ROCK2: variants seen among roughly 807,000 people sequenced by gnomAD.
ROCK2 encodes Rho associated coiled-coil containing protein kinase 2, also known as rho-associated protein kinase 2.
ROCK2 carries 61 observed loss-of-function variants against 195.1 expected under a neutral mutation model. The observed-to-expected ratio is 0.31, with a 90% CI of 0.25 to 0.39. The LOEUF is 0.39. Ranked by LOEUF, ROCK2 falls within the 10% of genes least tolerant of loss-of-function variation. ROCK2 has a pLI of 1.00. For missense variants in ROCK2, 1,109 were observed against 1,637.4 expected, an observed-to-expected ratio of 0.68 and a Z score of 5.57; for synonymous variants, 504 against 545.5, an observed-to-expected ratio of 0.92 and a Z score of 1.06.
In ROCK2 at chr2:11,208,336, T is replaced by C; in HGVS notation, c.2315A>G (p.Gln772Arg). The change falls in exon 19 of 33, where the codon CAG becomes CGG. Residue 772 changes from glutamine (Q) to arginine (R), a missense_variant. Gln to Arg is a conservative substitution (Grantham distance 43). Around this residue, in one of 6 missense-constraint regions of ROCK2, gnomAD observed 542 missense variants for 672.0 expected, o/e 0.81. Transcript: ENST00000315872. ...SLLDCDLKQSQQKINELLKQK... is the reference protein window; with the variant it reads ...SLLDCDLKQSRQKINELLKQK... ...TTTAAGGAGCTCATTTATTTTCTGCTGTGACTGTTTGAGGTCACAGTCTAA... is the reference window on the plus strand; with the variant it reads ...TTTAAGGAGCTCATTTATTTTCTGCCGTGACTGTTTGAGGTCACAGTCTAA... 5 of 1,512,402 alleles carry C rather than the reference T, an allele frequency of 3.3e-6. No individual in the cohort carries two copies. Among genetic ancestry groups the C allele is most frequent in the Non-Finnish European group, 4.5e-6 (5 of 1,118,584 alleles). 93.7% of individuals were successfully genotyped at this position (1,512,402 alleles called of 1,614,324 possible).
intron 3 of ROCK2, among the ~76,000 whole-genome samples, chr2:11,283,549 C>CA (rs1408613383): frequency 1.8e-5 from 2 of 108,220 alleles, no homozygotes; most frequent in Middle Eastern, 9.4e-3. Context: ...GCCTGGGCGA[C>CA]AGAGCGAGAC....
At chr2:11,293,875 C>A (rs1418252723) in intron 1 of ROCK2, among the ~76,000 whole-genome samples, 1 of 152,030 alleles carries the variant, frequency 6.6e-6, no homozygotes, top group Non-Finnish European at 1.5e-5. Flanking sequence ...AAAGAACGTA[C>A]GGGCCAGGCG....
chr2:11,229,892 T>TA (rs1242635495), intron 5 of ROCK2, among the ~76,000 whole-genome samples: 2 of 152,086 alleles, frequency 1.3e-5, no homozygotes, highest in Non-Finnish European at 1.5e-5. Context: ...TTGCAGATAA[T>TA]AAGAGCCAAG....
chr2:11,257,241 C>T (rs182951083), intron 3 of ROCK2, among the ~76,000 whole-genome samples: 18 of 149,208 alleles, frequency 1.2e-4, no homozygotes, highest in Admixed American at 8.0e-4. Flanking sequence ...AAAGGCCGAA[C>T]GCCTCAGAGA....
intron 32 of ROCK2, among the ~76,000 whole-genome samples, chr2:11,185,729 C>A (rs1663170938): frequency 6.6e-6 from 1 of 150,930 alleles, no homozygotes; most frequent in Non-Finnish European, 1.5e-5. Context: ...GACTTCGTCT[C>A]AAAAAATTAA....
chr2:11,227,448 C>T (rs745351911), intron 5 of ROCK2, 50 bp from the exon 6 acceptor site: 6 of 1,538,216 alleles, frequency 3.9e-6, no homozygotes, highest in African/African-American at 1.4e-5. Context: ...TAAAAACACA[C>T]ACTTATAAAT....
chr2:11,238,479 A>C (rs1300258088), intron 4 of ROCK2, among the ~76,000 whole-genome samples: 1 of 152,108 alleles, frequency 6.6e-6, no homozygotes, highest in Non-Finnish European at 1.5e-5. Flanking sequence ...GAAGAGCCAA[A>C]ACAATCTGGA....
At chr2:11,325,095 A>C (rs955191969) in intron 1 of ROCK2, among the ~76,000 whole-genome samples, 6 of 152,244 alleles carry the variant, frequency 3.9e-5, no homozygotes, top group Non-Finnish European at 8.8e-5. Flanking sequence ...CAGTTTCTGA[A>C]AGACATTATT....
chr2:11,308,347 A>G lies in ROCK2; in HGVS notation c.142-20611T>C, dbSNP rs1432527963. 5.8e-6 allele frequency: 7 copies of G among 1,209,328 alleles called. No individual in the cohort carries two copies. The African/African-American group carries it at 9.0e-5, about 15-fold the overall frequency. 74.9% of individuals were successfully genotyped at this position (1,209,328 alleles called of 1,614,324 possible). A position where few individuals can be genotyped will look rare whatever the true frequency, so the allele number is the denominator to read the frequency against. On this transcript the variant is annotated intron_variant, in intron 1 of 32. Coordinates refer to ENST00000315872, the MANE Select transcript of ROCK2 (RefSeq NM_004850.5). Reference sequence around the variant, plus strand: ...TTCTTACATATAATAAAGAATTCCCATTTGATGTTTAGCCTGTCCCATTAA... The same window carrying G: ...TTCTTACATATAATAAAGAATTCCCGTTTGATGTTTAGCCTGTCCCATTAA...
At chr2:11,211,113 T>G (rs1664230801) in intron 18 of ROCK2, among the ~76,000 whole-genome samples, 1 of 152,228 alleles carries the variant, frequency 6.6e-6, no homozygotes, top group Non-Finnish European at 1.5e-5. Flanking sequence ...GGATAAAGTC[T>G]AGTTTATGGG....
In ROCK2 at chr2:11,194,630, A is replaced by C. The variant is rs183363358; in HGVS notation, c.3520-286T>G. ...TAGTAACCTTCTCAAAAATAAACAT[A>C]ATAACATCAATAATCATAGTAACAG... On this transcript the variant is annotated intron_variant, in intron 28 of 32. Coordinates refer to ENST00000315872, the MANE Select transcript of ROCK2 (RefSeq NM_004850.5). 1.7e-3 allele frequency among the ~76,000 whole-genome samples: 258 copies of C among 152,164 alleles called. 4 individuals are homozygous for C. Among genetic ancestry groups the C allele is most frequent in the Non-Finnish European group, 3.8e-4 (26 of 67,928 alleles).
intron 1 of ROCK2, among the ~76,000 whole-genome samples, chr2:11,318,708 T>C (rs1668306303): frequency 6.6e-6 from 1 of 152,210 alleles, no homozygotes; most frequent in South Asian, 2.1e-4. Flanking sequence ...TTGCCTAGGT[T>C]TTCTTCTAGG....
chr2:11,194,787 AT>A (rs1663565956), intron 28 of ROCK2, among the ~76,000 whole-genome samples, 167 bp downstream of exon 28: 1 of 151,718 alleles, frequency 6.6e-6, no homozygotes, highest in African/African-American at 2.4e-5. Context: ...GAGGACAAAA[AT>A]TTTTTACAAA....
intron 4 of ROCK2, among the ~76,000 whole-genome samples, chr2:11,249,062 A>G (rs1001579766): frequency 1.3e-5 from 2 of 151,468 alleles, no homozygotes; most frequent in Admixed American, 6.6e-5. Flanking sequence ...TGCCCGGCTA[A>G]TTTTTTTGTA....
At chr2:11,278,716 G>A (rs568108915) in intron 3 of ROCK2, among the ~76,000 whole-genome samples, 14 of 152,222 alleles carry the variant, frequency 9.2e-5, no homozygotes, top group African/African-American at 2.9e-4. Context: ...GGGTTCAAGC[G>A]ATTCTCCCAC....
intron 3 of ROCK2, among the ~76,000 whole-genome samples, chr2:11,259,361 T>C (rs1449975776): frequency 6.6e-6 from 1 of 151,314 alleles, no homozygotes. Flanking sequence ...ATACTGTAAA[T>C]GGAACTGCAA....
rs372596800 is a variant in ROCK2, at chr2:11,222,034, T to A, written c.1099+49A>T. 18 of 1,093,576 alleles carry A rather than the reference T, an allele frequency of 1.6e-5. No individual in the cohort carries two copies. In the Admixed American group the frequency reaches 2.7e-4, roughly 17 times the overall value. The allele number at this position is 1,093,576 out of a possible 1,614,324, so 67.7% of individuals were successfully genotyped here. ...TTATTTCAAAAAAGGAATCAACTTA[T>A]GAGTTTCAGAATGTGATGGAATGAA... On this transcript the variant is annotated intron_variant, in intron 8 of 32. Transcript: ENST00000315872.
At chr2:11,308,586 T>C (rs1162688708) in intron 1 of ROCK2, 7 of 1,495,142 alleles carry the variant, frequency 4.7e-6, no homozygotes, top group African/African-American at 4.1e-5. Context: ...AATCCCTATA[T>C]TACAGTTAGT....
At chr2:11,203,435 A>G (rs1663936030) in intron 20 of ROCK2, among the ~76,000 whole-genome samples, 1 of 152,172 alleles carries the variant, frequency 6.6e-6, no homozygotes. Context: ...TGGAGAGAGG[A>G]AAATGTCTGC....
Sources: allele counts gnomAD v4.1 joint callset (sites outside exome capture counted in the v4.1 genomes callset), GRCh38; gene constraint gnomAD v4.1.1; regional missense constraint gnomAD v4.1.1; transcripts MANE v1.5; gene names NCBI Gene and HGNC (gene_info 2026-07-23, HGNC 2026-07-21).